Variants in METAP2 observed in about 807,000 individuals in gnomAD.
The protein encoded by METAP2 is methionine aminopeptidase 2.
A neutral mutation model predicts 59.4 loss-of-function variants in METAP2; 25 were observed. The observed-to-expected ratio is 0.42, with a 90% CI of 0.31 to 0.59. METAP2 has a LOEUF of 0.59. Among genes scored for constraint, METAP2 ranks in the 20% least tolerant of loss-of-function variants. The pLI is 0.16. For missense variants in METAP2, 366 were observed against 581.2 expected (o/e 0.63, Z 3.81); for synonymous variants, 214 against 194.1 (o/e 1.10, Z -0.85).
Position 95,515,113 on chromosome 12 carries a change from T to C in METAP2, c.*1209T>C, listed in dbSNP as rs900213996. ...TATATCAAGGTAGCCTTAATTTGTATATGTTTCAGTACAATGAGATTTTAT... is the reference window on the plus strand; with the variant it reads ...TATATCAAGGTAGCCTTAATTTGTACATGTTTCAGTACAATGAGATTTTAT... On this transcript the variant is annotated 3_prime_UTR_variant, in exon 11 of 11. Transcript: ENST00000323666. 3 of 152,668 alleles carry C rather than the reference T, an allele frequency of 2.0e-5. No homozygotes were observed. Among genetic ancestry groups the C allele is most frequent in the African/African-American group, 7.2e-5 (3 of 41,462 alleles). 9.5% of individuals were successfully genotyped at this position (152,668 alleles called of 1,614,324 possible). A position where few individuals can be genotyped will look rare whatever the true frequency, so the allele number is the denominator to read the frequency against.
intron 4 of METAP2, among the ~76,000 whole-genome samples, chr12:95,492,532 CT>C (rs1305671441): frequency 6.6e-6 from 1 of 151,506 alleles, no homozygotes; most frequent in East Asian, 1.9e-4. Context: ...AATTCTGTTT[CT>C]TTTTTCTTTA....
chr12:95,488,321 A>G (rs1005659494), intron 4 of METAP2, among the ~76,000 whole-genome samples: 33 of 151,680 alleles, frequency 2.2e-4, no homozygotes, highest in African/African-American at 7.3e-4. Flanking sequence ...CCAACATGGT[A>G]AAACCCCGTC....
At chr12:95,476,526 G>A (rs1396027063) in intron 2 of METAP2, among the ~76,000 whole-genome samples, 1 of 151,472 alleles carries the variant, frequency 6.6e-6, no homozygotes, top group Non-Finnish European at 1.5e-5. Context: ...AAGAAAGAAA[G>A]AAAGAAAGAA....
chr12:95,483,267 G>A lies in METAP2; in HGVS notation c.312G>A (p.Lys104=). 1 of 1,610,998 alleles carries A rather than the reference G, an allele frequency of 6.2e-7. No homozygotes were observed. Among genetic ancestry groups the A allele is most frequent in the Non-Finnish European group, 8.5e-7 (1 of 1,177,244 alleles). ...CTGGAAAGAAGAAGAAAAAGAAGAA[G>A]AAGAAGAGAGGACGTTAGTGTCTTA... The part of the protein sequence containing the change: ...GATGKKKKKK[K]KKRGPKVQTD... The change falls in exon 3 of 11, where the codon AAG becomes AAA. Residue 104 remains lysine, a synonymous_variant. Transcript: ENST00000323666.
In METAP2 at chr12:95,488,890, A is replaced by T. The variant is rs537076584; in HGVS notation, c.428+2909A>T. On this transcript the variant is annotated intron_variant, in intron 4 of 10. Transcript: ENST00000323666. ...CTCAGTCATATAGCCTTACACACAC[A>T]CACACACACAAATGTCCTTGTTAGA... 9.9e-4 allele frequency among the ~76,000 whole-genome samples: 151 copies of T among 152,234 alleles called. 1 individual carries two copies. Among genetic ancestry groups the T allele is most frequent in the African/African-American group, 3.5e-3 (146 of 41,536 alleles).
At chr12:95,498,811 A>G (rs2076294706) in intron 7 of METAP2, among the ~76,000 whole-genome samples, 1 of 152,010 alleles carries the variant, frequency 6.6e-6, no homozygotes, top group Non-Finnish European at 1.5e-5. Context: ...CTCAGTAGTT[A>G]AAGTCTAGCC....
intron 3 of METAP2, 195 bp downstream of exon 3, chr12:95,483,475 CAAAAAAA>C (rs141083015): frequency 1.8e-4 from 12 of 66,648 alleles, no homozygotes; most frequent in South Asian, 9.9e-4. Flanking sequence ...GACTCTGTCT[CAAAAAAA>C]AAAAAAAAAA....
At chr12:95,489,873 G>A (rs1455401946) in intron 4 of METAP2, among the ~76,000 whole-genome samples, 4 of 152,112 alleles carry the variant, frequency 2.6e-5, no homozygotes, top group Admixed American at 2.0e-4. Flanking sequence ...ATTTTGAAAT[G>A]ATTTTGTACT....
chr12:95,488,136 G>T (rs2076211087), intron 4 of METAP2, among the ~76,000 whole-genome samples: 1 of 151,940 alleles, frequency 6.6e-6, no homozygotes. Flanking sequence ...TTGATCGTAG[G>T]CTTTATGATA....
chr12:95,513,597 G>A (rs2076421509), intron 10 of METAP2, 55 bp from the exon 11 acceptor site: 1 of 1,566,584 alleles, frequency 6.4e-7, no homozygotes, highest in Middle Eastern at 1.7e-4. Context: ...CTTAATGAGG[G>A]AAATCAGTTC....
chr12:95,506,194 C>A (rs61067017), intron 8 of METAP2, among the ~76,000 whole-genome samples: 11,678 of 151,994 alleles, frequency 0.077, 592 homozygotes, highest in African/African-American at 0.13. Context: ...CGGTGGAGTG[C>A]GCTCAGCTTC....
At chr12:95,475,018 T>C (rs2076107715) in intron 1 of METAP2, among the ~76,000 whole-genome samples, 1 of 152,138 alleles carries the variant, frequency 6.6e-6, no homozygotes, top group Non-Finnish European at 1.5e-5. Context: ...ATTCTGTGGC[T>C]CAGAATGGAA....
intron 1 of METAP2, 80 bp from the exon 2 acceptor site, chr12:95,475,991 G>C: frequency 1.2e-6 from 1 of 808,252 alleles, no homozygotes; most frequent in Non-Finnish European, 1.9e-6. Flanking sequence ...GGATTTGTAA[G>C]TTTTCCAAGA....
intron 4 of METAP2, among the ~76,000 whole-genome samples, chr12:95,493,059 A>C (rs905607507): frequency 6.6e-6 from 1 of 152,252 alleles, no homozygotes; most frequent in African/African-American, 2.4e-5. Flanking sequence ...ACTAAGTTGC[A>C]AACTGTATAT....
intron 9 of METAP2, 97 bp from the exon 10 acceptor site, chr12:95,512,704 C>T (rs894356896): frequency 4.3e-6 from 3 of 691,030 alleles, no homozygotes; most frequent in Non-Finnish European, 7.4e-6. Context: ...GAGAGAGACT[C>T]TGTCTCAAAA....
rs575758228 is a variant in METAP2 at position 95,511,517 on chromosome 12, G to A, written c.965-378G>A. Among the ~76,000 whole-genome samples, 3 of 148,842 alleles carry A rather than the reference G, an allele frequency of 2.0e-5. No homozygotes were observed. In the South Asian group the frequency reaches 6.4e-4, roughly 32 times the overall value. The stretch of plus-strand genomic sequence containing the variant: ...AGTGATTCTCCTGCCTCAGCCTCCT[G>A]AGTAGCTGGAATTACAGGCCCCCAC... On this transcript the variant is annotated intron_variant, in intron 8 of 10. Coordinates refer to ENST00000323666, the MANE Select transcript of METAP2 (RefSeq NM_006838.4).
chr12:95,476,221 A>G (rs1382206929), intron 2 of METAP2, 43 bp downstream of exon 2: 10 of 1,377,258 alleles, frequency 7.3e-6, no homozygotes, highest in Non-Finnish European at 1.0e-5. Context: ...AAGCTAGAAA[A>G]TGTAGCCGGG....
chr12:95,514,141 G>C lies in METAP2; in HGVS notation c.*237G>C. ...TTTTCCCCTTCCTGTCTAGGAAAAT[G>C]CTATAAAGCTCAAATTAGTTAGGAA... On this transcript the variant is annotated 3_prime_UTR_variant, in exon 11 of 11. Transcript: ENST00000323666. 2.0e-6 allele frequency: 1 copy of C among 498,550 alleles called. No individual in the cohort carries two copies. Among genetic ancestry groups the C allele is most frequent in the Non-Finnish European group, 3.5e-6 (1 of 288,130 alleles). The allele number at this position is 498,550 out of a possible 1,614,324, so 30.9% of individuals were successfully genotyped here. A position where few individuals can be genotyped will look rare whatever the true frequency, so the allele number is the denominator to read the frequency against.
chr12:95,475,111 A>T, intron 1 of METAP2, among the ~76,000 whole-genome samples: 1 of 152,170 alleles, frequency 6.6e-6, no homozygotes, highest in East Asian at 1.9e-4. Context: ...TGAACTAGGA[A>T]CTTACATATT....
Sources: allele counts gnomAD v4.1 joint callset (sites outside exome capture counted in the v4.1 genomes callset), GRCh38; gene constraint gnomAD v4.1.1; transcripts MANE v1.5; gene names NCBI Gene and HGNC (gene_info 2026-07-23, HGNC 2026-07-21).